WDR27: variants seen among roughly 807,000 people sequenced by gnomAD.
WDR27 encodes WD repeat-containing protein 27.
In WDR27, 100 loss-of-function variants were observed where a neutral mutation model predicts 114.4. The ratio of observed to expected loss-of-function variants is 0.87; its 90% CI spans 0.74 to 1.03. WDR27 has a LOEUF of 1.03. WDR27 is among the 50% of genes least tolerant of loss of function. The pLI is 0.00. For synonymous variants in WDR27, 449 were observed against 423.1 expected (o/e 1.06, Z -0.75); for missense variants, 1,129 against 1,092.9 (o/e 1.03, Z -0.47).
At chr6:169,469,591 C>T (rs888987464) in intron 25 of WDR27, among the ~76,000 whole-genome samples, 6 of 152,186 alleles carry the variant, frequency 3.9e-5, no homozygotes, top group South Asian at 2.1e-4. Context: ...TGGGAATTAG[C>T]GCTGCCTGAT....
chr6:169,616,755 G>A (rs1381910176), intron 21 of WDR27, among the ~76,000 whole-genome samples: 1 of 151,940 alleles, frequency 6.6e-6, no homozygotes, highest in Non-Finnish European at 1.5e-5. Context: ...AAATCTCAAA[G>A]ATACCAAGAA....
chr6:169,680,716 A>C (rs374875588), intron 2 of WDR27, among the ~76,000 whole-genome samples: 26 of 152,370 alleles, frequency 1.7e-4, no homozygotes, highest in African/African-American at 6.3e-4. Context: ...AAAACATAAA[A>C]GTTGTGAGAG....
At chr6:169,449,198 C>T in the WDR27 span, among the ~76,000 whole-genome samples, 2 of 152,088 alleles carry the variant, frequency 1.3e-5, no homozygotes, top group Non-Finnish European at 2.9e-5. Flanking sequence ...GATTTATGCC[C>T]TCTAAATGGA....
intron 25 of WDR27, among the ~76,000 whole-genome samples, chr6:169,564,928 G>A (rs1181816910): frequency 6.6e-6 from 1 of 152,232 alleles, no homozygotes. Flanking sequence ...CGCAACCACA[G>A]GTGCAGAACG....
chr6:169,674,449 T>C (rs1333399686), intron 2 of WDR27, among the ~76,000 whole-genome samples: 2 of 152,092 alleles, frequency 1.3e-5, no homozygotes, highest in African/African-American at 4.8e-5. Context: ...TAAAAAACAC[T>C]TAGTGGGATT....
chr6:169,668,622 G>A (rs73039195), intron 4 of WDR27: 19,811 of 165,614 alleles, frequency 0.12, 1,729 homozygotes, highest in Non-Finnish European at 0.17. Context: ...AGGGCTTCCC[G>A]TTTATATGGA....
At chr6:169,640,099 C>T (rs915946782) in intron 17 of WDR27, among the ~76,000 whole-genome samples, 13 of 152,138 alleles carry the variant, frequency 8.5e-5, no homozygotes, top group Non-Finnish European at 1.9e-4. Flanking sequence ...TGCTTCCTGA[C>T]GACAAATGAC....
intron 23 of WDR27, among the ~76,000 whole-genome samples, chr6:169,583,498 TATATATGTATATATAC>T (rs1455788202): frequency 1.5e-3 from 49 of 31,732 alleles, no homozygotes; most frequent in African/African-American, 3.2e-3. Context: ...CATATATATA[TATATATGTATATATAC>T]ACACACACAC....
intron 25 of WDR27, among the ~76,000 whole-genome samples, chr6:169,515,900 G>A (rs1793572082): frequency 6.6e-6 from 1 of 151,476 alleles, no homozygotes; most frequent in African/African-American, 2.4e-5. Flanking sequence ...AGTGTATTAT[G>A]CCCCCAGTTG....
At position 169,688,879 on chromosome 6, in the gene WDR27, A is replaced by G; in HGVS notation, c.127T>C (p.Cys43Arg). The G allele has an allele frequency of 6.2e-7, 1 of 1,613,608 alleles. No individual in the cohort carries two copies. The highest frequency in any genetic ancestry group is 1.3e-5 in the African/African-American group (1 of 75,042). The change falls in exon 2 of 26, where the codon TGT becomes CGT. Residue 43 changes from cysteine (C) to arginine (R), a missense_variant. By Grantham distance (180) the Cys-to-Arg change is radical. Coordinates refer to ENST00000448612, the MANE Select transcript of WDR27 (RefSeq NM_182552.5). Reference protein sequence around the residue: ...HVQLACSMQDCAFPLDGTELC... With the variant: ...HVQLACSMQDRAFPLDGTELC... ...TCAGTTCCATCCAAAGGGAAAGCACAGTCCTGCATGCTGCAAGCAAGCTGA... is the reference window on the plus strand; with the variant it reads ...TCAGTTCCATCCAAAGGGAAAGCACGGTCCTGCATGCTGCAAGCAAGCTGA...
chr6:169,582,831 T>A lies in WDR27; in HGVS notation c.2523+5A>T, dbSNP rs6941625. ...AGGCGCCCCACCCACTCAGCAAGAC[T>A]GTACCTGGGGCGCTGATGGGTTGAA... is the stretch of plus-strand genomic sequence containing the variant. On this transcript the variant is annotated splice_donor_5th_base_variant and intron_variant, in intron 24 of 25. Transcript: ENST00000448612. 0.33 allele frequency: 536,151 copies of A among 1,611,054 alleles called. 104,672 individuals carry two copies. Among genetic ancestry groups the A allele is most frequent in the East Asian group, 0.83 (37,149 of 44,852 alleles).
chr6:169,647,901 G>T, intron 15 of WDR27, 31 bp from the exon 16 acceptor site: 1 of 1,459,478 alleles, frequency 6.9e-7, no homozygotes, highest in Non-Finnish European at 9.2e-7. Context: ...ACGGTGATCG[G>T]GAGACATTCA....
intron 25 of WDR27, among the ~76,000 whole-genome samples, chr6:169,498,354 T>C (rs577013559): frequency 1.1e-4 from 16 of 152,220 alleles, no homozygotes; most frequent in Non-Finnish European, 2.4e-4. Context: ...TTAAAAGTTA[T>C]GGAGATAGGT....
In WDR27 at chr6:169,667,180, T is replaced by A; in HGVS notation, c.668A>T (p.Asp223Val). Reference sequence around the variant, plus strand: ...GTATATTAATGATCCTGTACAATGGTCCCAGACCTTTGGATAAACACAGGA... The same window carrying A: ...GTATATTAATGATCCTGTACAATGGACCCAGACCTTTGGATAAACACAGGA... The part of the protein sequence containing the change: ...ASEDRGFKVW[D>V]HCTGSLIYSS... The change falls in exon 6 of 26, where the codon GAC becomes GTC. Residue 223 changes from aspartate to valine, a missense_variant. Coordinates refer to ENST00000448612, the MANE Select transcript of WDR27 (RefSeq NM_182552.5). The A allele has an allele frequency of 6.6e-7, 1 of 1,520,628 alleles. No homozygotes were observed. Among genetic ancestry groups the A allele is most frequent in the Non-Finnish European group, 8.8e-7 (1 of 1,136,744 alleles). The allele number at this position is 1,520,628 out of a possible 1,614,324, so 94.2% of individuals were successfully genotyped here.
Position 169,577,338 on chromosome 6 carries a change from G to A in WDR27, c.2524-4798C>T, listed in dbSNP as rs1430819892. On this transcript the variant is annotated intron_variant, in intron 24 of 25. Transcript: ENST00000448612. ...GCGTCCGCGCCGAGCCAGGAATGGC[G>A]CCCCCCGATGTCCACACCACGGTCC... Among the ~76,000 whole-genome samples, 3 of 152,260 alleles carry A rather than the reference G, an allele frequency of 2.0e-5. No homozygotes were observed. In the East Asian group the frequency reaches 5.8e-4, roughly 29 times the overall value.
At chr6:169,688,674 AT>A (rs955914852) in intron 2 of WDR27, 142 bp downstream of exon 2, 15 of 370,728 alleles carry the variant, frequency 4.0e-5, no homozygotes, top group Middle Eastern at 1.5e-3. Context: ...AAATAAAAAA[AT>A]ATATATAATG....
At position 169,594,325 on chromosome 6, in the gene WDR27, T is replaced by C. The variant is rs567164583; in HGVS notation, c.2424+7894A>G. Among the ~76,000 whole-genome samples, 7 of 152,342 alleles carry C rather than the reference T, an allele frequency of 4.6e-5. No individual in the cohort carries two copies. The South Asian group carries it at 1.2e-3, about 27-fold the overall frequency. On this transcript the variant is annotated intron_variant, in intron 23 of 25. Transcript: ENST00000448612. ...TTCTTATTTTAATGTATTGAGCTTT[T>C]CTCTGGATTCATTTATGGTCATTGT...
chr6:169,613,749 T>C (rs1462340264), intron 21 of WDR27, 93 bp from the exon 22 acceptor site: 6 of 1,138,324 alleles, frequency 5.3e-6, no homozygotes, highest in Non-Finnish European at 7.5e-6. Context: ...GATTCTCAAG[T>C]AAGATATTAA....
chr6:169,563,293 G>A (rs1799935710), intron 25 of WDR27, among the ~76,000 whole-genome samples: 1 of 152,026 alleles, frequency 6.6e-6, no homozygotes, highest in South Asian at 2.1e-4. Context: ...AAATGGAGTC[G>A]GTGAAAAAGA....
Sources: allele counts gnomAD v4.1 joint callset (sites outside exome capture counted in the v4.1 genomes callset), GRCh38; gene constraint gnomAD v4.1.1; transcripts MANE v1.5; gene names NCBI Gene and HGNC (gene_info 2026-07-23, HGNC 2026-07-21).